LPAR1: variants seen among roughly 807,000 people sequenced by gnomAD.
The protein encoded by LPAR1 is LPA receptor 1.
In LPAR1, 5 loss-of-function variants were observed where a neutral mutation model predicts 23.8. The observed-to-expected ratio is 0.21, with a 90% CI of 0.11 to 0.44. The LOEUF (loss-of-function observed/expected upper bound fraction) is 0.44, where lower values mean the gene tolerates loss of function less well. Among genes scored for constraint, LPAR1 ranks in the 20% least tolerant of loss-of-function variants. LPAR1 has a pLI of 0.99. For synonymous variants in LPAR1, 160 were observed against 164.7 expected (o/e 0.97, Z 0.22); for missense variants, 311 against 482.8 (o/e 0.64, Z 3.33).
Position 111,005,210 on chromosome 9 carries a change from G to C in LPAR1, c.-182+30912C>G, listed in dbSNP as rs1588810154. 2.1e-5 allele frequency among the ~76,000 whole-genome samples: 3 copies of C among 145,298 alleles called. No individual in the cohort carries two copies. In the East Asian group the frequency reaches 6.1e-4, roughly 30 times the overall value. On this transcript the variant is annotated intron_variant, in intron 2 of 5. Coordinates refer to ENST00000683809, the MANE Select transcript of LPAR1 (RefSeq NM_001351411.2). ...CTCTAATCTCATTTCATTTCTCTCT[G>C]TCTCTCTCCAATTTAACCTCCTGCA...
intron 2 of LPAR1, among the ~76,000 whole-genome samples, chr9:110,974,113 C>A (rs528212951): frequency 7.8e-4 from 119 of 151,858 alleles, no homozygotes; most frequent in Non-Finnish European, 1.4e-3. Context: ...GAGCCGAGAT[C>A]GTGCCACTGC....
chr9:110,984,111 A>G (rs2139183189), intron 2 of LPAR1, among the ~76,000 whole-genome samples: 1 of 152,100 alleles, frequency 6.6e-6, no homozygotes, highest in Non-Finnish European at 1.5e-5. Flanking sequence ...TTTGTGTTAC[A>G]AACAATCCAA....
intron 5 of LPAR1, among the ~76,000 whole-genome samples, chr9:110,896,954 AT>A (rs2086606109): frequency 6.6e-6 from 1 of 151,722 alleles, no homozygotes. Context: ...CGCCTGGCTA[AT>A]TTTTTGTATT....
chr9:110,897,465 C>T (rs1226197920), intron 5 of LPAR1, among the ~76,000 whole-genome samples: 1 of 152,178 alleles, frequency 6.6e-6, no homozygotes, highest in Non-Finnish European at 1.5e-5. Flanking sequence ...ATGTCTTTAT[C>T]AGCAGTGTGA....
At chr9:110,977,903 GGAAGGAAAGAAGGAAA>G (rs1322036501) in intron 2 of LPAR1, among the ~76,000 whole-genome samples, 10 of 99,708 alleles carry the variant, frequency 1.0e-4, no homozygotes, top group African/African-American at 3.6e-4. Flanking sequence ...AAGGAAGGAA[GGAAGGAAAGAAGGAAA>G]GAAGGAAAGA....
chr9:111,037,645 G>C (rs2097917799), intron 1 of LPAR1, among the ~76,000 whole-genome samples: 1 of 152,222 alleles, frequency 6.6e-6, no homozygotes, highest in Non-Finnish European at 1.5e-5. Context: ...GGTGGTGGGG[G>C]ACAACCGAGT....
chr9:111,028,632 T>TA (rs1554742837), intron 2 of LPAR1, among the ~76,000 whole-genome samples: 108 of 151,912 alleles, frequency 7.1e-4, no homozygotes, highest in Middle Eastern at 3.4e-3. Flanking sequence ...TTTTTTTTTT[T>TA]ACCAAGTAAA....
intron 2 of LPAR1, among the ~76,000 whole-genome samples, chr9:111,031,107 T>C (rs2097786317): frequency 6.6e-6 from 1 of 151,570 alleles, no homozygotes; most frequent in South Asian, 2.1e-4. Context: ...TAGACACATC[T>C]ATAGTGTTTG....
At chr9:110,898,784 C>T (rs1241791643) in intron 5 of LPAR1, among the ~76,000 whole-genome samples, 1 of 152,206 alleles carries the variant, frequency 6.6e-6, no homozygotes, top group Non-Finnish European at 1.5e-5. Flanking sequence ...TTAATTTGCT[C>T]CTTTTCTGTA....
At chr9:111,020,526 C>T (rs1288357164) in intron 2 of LPAR1, among the ~76,000 whole-genome samples, 1 of 152,160 alleles carries the variant, frequency 6.6e-6, no homozygotes, top group Non-Finnish European at 1.5e-5. Flanking sequence ...TTGTCTACAC[C>T]ACTTCTCTCT....
At chr9:110,968,642 G>A (rs1241716936) in intron 4 of LPAR1, among the ~76,000 whole-genome samples, 1 of 152,114 alleles carries the variant, frequency 6.6e-6, no homozygotes, top group African/African-American at 2.4e-5. Context: ...ATTCCTGCAT[G>A]GGTGACAAAG....
chr9:110,959,722 T>C (rs1000033182), intron 4 of LPAR1, among the ~76,000 whole-genome samples: 7 of 152,104 alleles, frequency 4.6e-5, no homozygotes, highest in African/African-American at 1.7e-4. Flanking sequence ...CTATTTAAAA[T>C]AGCAGAGACA....
intron 2 of LPAR1, among the ~76,000 whole-genome samples, chr9:111,026,539 C>T (rs2097695276): frequency 6.6e-6 from 1 of 152,098 alleles, no homozygotes; most frequent in Non-Finnish European, 1.5e-5. Flanking sequence ...GCCTGATTGC[C>T]CTGGCCAGAA....
At chr9:110,905,909 A>G (rs539264486) in intron 5 of LPAR1, among the ~76,000 whole-genome samples, 1 of 152,302 alleles carries the variant, frequency 6.6e-6, no homozygotes, top group South Asian at 2.1e-4. Flanking sequence ...TCATTTGTGA[A>G]AAGGATATGG....
At chr9:110,991,286 G>A (rs1564274051) in intron 2 of LPAR1, among the ~76,000 whole-genome samples, 2 of 152,194 alleles carry the variant, frequency 1.3e-5, no homozygotes, top group Non-Finnish European at 2.9e-5. Flanking sequence ...GTGACAACGT[G>A]TAGCTCTCCA....
At chr9:110,989,731 C>G (rs1282147247) in intron 2 of LPAR1, among the ~76,000 whole-genome samples, 1 of 152,012 alleles carries the variant, frequency 6.6e-6, no homozygotes, top group Non-Finnish European at 1.5e-5. Flanking sequence ...TTAAACATAA[C>G]CATATGAAAA....
Position 111,038,449 on chromosome 9 carries a change from C to A in LPAR1, c.-544G>T. The A allele has an allele frequency of 6.0e-6, 2 of 331,874 alleles. No individual in the cohort carries two copies. The highest frequency in any genetic ancestry group is 4.2e-5 in the South Asian group (2 of 47,200). The allele number at this position is 331,874 out of a possible 1,614,324, so 20.6% of individuals were successfully genotyped here. ...GACGGAGTCGCCACTCAGGGAGCGT[C>A]AGCCGCCAGTCGGCCCCTACTGCCC... On this transcript the variant is annotated 5_prime_UTR_variant, in exon 1 of 6. Transcript: ENST00000683809. The surrounding 1 kb of genome is among the most constrained non-coding windows in gnomAD (Gnocchi z 4.4).
At chr9:110,876,716 G>T (rs1196280313) in intron 5 of LPAR1, among the ~76,000 whole-genome samples, 2 of 152,174 alleles carry the variant, frequency 1.3e-5, no homozygotes, top group African/African-American at 2.4e-5. Flanking sequence ...TACTAATTTA[G>T]ATCAACTTTG....
chr9:111,029,187 T>C (rs2097755571), intron 2 of LPAR1, among the ~76,000 whole-genome samples: 2 of 152,228 alleles, frequency 1.3e-5, no homozygotes, highest in South Asian at 4.1e-4. Flanking sequence ...CACATTTTAC[T>C]GGCATTTACT....
Sources: gnomAD v4.1 joint callset for allele counts (sites outside exome capture counted in the v4.1 genomes callset) on GRCh38, gnomAD v4.1.1 for gene constraint, Gnocchi (gnomAD v3.1) non-coding constraint, MANE v1.5 for transcripts, NCBI Gene and HGNC (gene_info 2026-07-23, HGNC 2026-07-21) for gene names.